Variants in ZAP70 observed in about 807,000 individuals in gnomAD.
The protein encoded by ZAP70 is zeta chain of T cell receptor associated protein kinase 70, also known as tyrosine-protein kinase ZAP-70.
ZAP70 carries 27 observed loss-of-function variants against 65.8 expected under a neutral mutation model. The observed-to-expected ratio is 0.41, with a 90% CI of 0.30 to 0.57. The LOEUF (loss-of-function observed/expected upper bound fraction) is 0.57, where lower values mean the gene tolerates loss of function less well. Ranked by LOEUF, ZAP70 falls within the 20% of genes least tolerant of loss-of-function variation. The probability of loss-of-function intolerance (pLI) is 0.28; values close to 1 mark genes in which losing one functional copy is unlikely to be tolerated. For synonymous variants in ZAP70, 363 were observed against 360.8 expected (o/e 1.01, Z -0.07); for missense variants, 696 against 870.5 (o/e 0.80, Z 2.52).
chr2:97,734,222 C>A, intron 8 of ZAP70: 3 of 624,082 alleles, frequency 4.8e-6, no homozygotes, highest in Non-Finnish European at 7.5e-6. Context: ...TAGGCGTACA[C>A]GTACGAATGC....
chr2:97,750,349 G>T, the ZAP70 span, among the ~76,000 whole-genome samples: 1 of 152,224 alleles, frequency 6.6e-6, no homozygotes, highest in African/African-American at 2.4e-5. Context: ...TGTAGGATGT[G>T]GGCCTTGGTT....
downstream of ZAP70, among the ~76,000 whole-genome samples, chr2:97,743,000 C>G (rs577753091): frequency 5.9e-5 from 9 of 152,314 alleles, no homozygotes; most frequent in East Asian, 1.7e-3. Flanking sequence ...CTTTGTCCCA[C>G]CCTGCCCAAT....
chr2:97,734,462 T>C, intron 8 of ZAP70, 58 bp from the exon 9 acceptor site: 1 of 1,546,646 alleles, frequency 6.5e-7, no homozygotes, highest in Non-Finnish European at 8.7e-7. Context: ...GGGCTGAGGC[T>C]GCCTTGCTCC....
rs757015607 is a variant in ZAP70, at chr2:97,738,070, G to A, written c.1699G>A (p.Glu567Lys). Residue 567 changes from glutamate (E) to lysine (K), a missense_variant, in exon 13 of 14, where the codon GAA becomes AAA. This residue lies in a region of ZAP70 where 78 missense variants were observed against 88.6 expected (regional missense o/e 0.88). Transcript: ENST00000264972. The part of the protein sequence containing the change: ...RMECPPECPP[E>K]LYALMSDCWI... The stretch of plus-strand genomic sequence containing the variant: ...GGAGTGCCCACCAGAGTGTCCACCC[G>A]AACTGTACGCACTCATGAGTGACTG... 2.1e-5 allele frequency: 34 copies of A among 1,609,896 alleles called. No individual in the cohort carries two copies. Among genetic ancestry groups the A allele is most frequent in the South Asian group, 1.8e-4 (16 of 90,444 alleles).
the ZAP70 span, among the ~76,000 whole-genome samples, chr2:97,752,584 C>A: frequency 1.3e-5 from 2 of 152,196 alleles, no homozygotes; most frequent in African/African-American, 4.8e-5. Flanking sequence ...CAGTGGTCAG[C>A]CCAAACACTG....
chr2:97,743,454 G>C (rs978002862), downstream of ZAP70, among the ~76,000 whole-genome samples: 3 of 152,198 alleles, frequency 2.0e-5, no homozygotes, highest in African/African-American at 7.2e-5. Flanking sequence ...TCCTGCCTCA[G>C]CCTCCTGAGT....
rs1381915359 is a variant in ZAP70, at chr2:97,735,233, G to A, written c.1083-17G>A. On this transcript the variant is annotated splice_polypyrimidine_tract_variant and intron_variant, in intron 9 of 13. Transcript: ENST00000264972. ...GGTGCCCCTCGCCCACGTGCCTCCC[G>A]TGGCCGGGTCGGGCAGGAAGCAGAT... 1.1e-5 allele frequency: 18 copies of A among 1,613,524 alleles called. No individual in the cohort carries two copies. The highest frequency in any genetic ancestry group is 2.2e-5 in the East Asian group (1 of 44,878).
chr2:97,720,399 T>C (rs895537397), intron 2 of ZAP70, among the ~76,000 whole-genome samples: 2 of 152,130 alleles, frequency 1.3e-5, no homozygotes, highest in African/African-American at 4.8e-5. Context: ...GACTAATTTT[T>C]TTGTATTTTT....
intron 13 of ZAP70, 117 bp from the exon 14 acceptor site, chr2:97,739,258 G>C: frequency 6.6e-7 from 1 of 1,508,930 alleles, no homozygotes; most frequent in East Asian, 2.4e-5. Flanking sequence ...CAACAGCCCT[G>C]CTGACTTTCT....
At chr2:97,716,067 G>C (rs898528415) in intron 2 of ZAP70, among the ~76,000 whole-genome samples, 1 of 152,168 alleles carries the variant, frequency 6.6e-6, no homozygotes, top group South Asian at 2.1e-4. Context: ...TGGGGAGGGG[G>C]CAGGGCTCAT....
intron 3 of ZAP70, chr2:97,724,755 G>T: frequency 6.6e-7 from 1 of 1,505,450 alleles, no homozygotes; most frequent in Admixed American, 2.0e-5. Context: ...AGGGTGCGCG[G>T]GGCTAGGGTG....
intron 13 of ZAP70, among the ~76,000 whole-genome samples, chr2:97,738,906 G>A (rs771779542): frequency 6.6e-6 from 1 of 152,044 alleles, no homozygotes; most frequent in Non-Finnish European, 1.5e-5. Flanking sequence ...GCACAGTACC[G>A]TTAATACTGC....
Position 97,733,231 on chromosome 2 carries a change from C to T in ZAP70, c.790+19C>T, listed in dbSNP as rs202121787. 327 of 1,611,156 alleles carry T rather than the reference C, an allele frequency of 2.0e-4. No homozygotes were observed. In the African/African-American group the frequency reaches 3.5e-3, roughly 17 times the overall value. ...GCCTCAGGTGACGGCAGCAGGCGGG[C>T]GGGCGGTGGGCGGGGGCGGCAGGAG... is the stretch of plus-strand genomic sequence containing the variant. On this transcript the variant is annotated intron_variant, in intron 6 of 13. Transcript: ENST00000264972.
At chr2:97,729,564 G>A (rs1677519297) in intron 4 of ZAP70, among the ~76,000 whole-genome samples, 1 of 152,120 alleles carries the variant, frequency 6.6e-6, no homozygotes, top group East Asian at 1.9e-4. Context: ...TAGCCCTTTT[G>A]TTTTGTTTTG....
In ZAP70 at chr2:97,730,590, G is replaced by A. The variant is rs191349231; in HGVS notation, c.564-2293G>A. ...TCAAGCCTCTGCTTGTGTCATGTTT[G>A]CTAATGTCCTGTTAGCAAGGCACAT... On this transcript the variant is annotated intron_variant, in intron 4 of 13. Coordinates refer to ENST00000264972, the MANE Select transcript of ZAP70 (RefSeq NM_001079.4). 3.7e-3 allele frequency among the ~76,000 whole-genome samples: 569 copies of A among 152,288 alleles called. 11 individuals carry two copies. The highest frequency in any genetic ancestry group is 5.9e-4 in the Non-Finnish European group (40 of 68,034).
At chr2:97,733,412 A>T in intron 7 of ZAP70, 69 bp downstream of exon 7, 1 of 1,591,684 alleles carries the variant, frequency 6.3e-7, no homozygotes, top group Non-Finnish European at 8.6e-7. Context: ...GGAGGCTGGG[A>T]TGGAGGCTGG....
In ZAP70 at chr2:97,737,126, A is replaced by G. The variant is rs1456421919; in HGVS notation, c.1290-347A>G. On this transcript the variant is annotated intron_variant, in intron 10 of 13. Coordinates refer to ENST00000264972, the MANE Select transcript of ZAP70 (RefSeq NM_001079.4). This position sits in a 1 kb window ranked among gnomAD's most constrained non-coding sequence, Gnocchi z 5.0. ...GAGGAGCTGCTGGAGAGGACAGTGG[A>G]GGAGCCATATGTGTGTGCACATGGG... Among the ~76,000 whole-genome samples the G allele has an allele frequency of 6.6e-6, 1 of 152,068 alleles. No homozygotes were observed. The highest frequency in any genetic ancestry group is 2.4e-5 in the African/African-American group (1 of 41,394).
At position 97,735,419 on chromosome 2, in the gene ZAP70, G is replaced by T. The variant is rs772452475; in HGVS notation, c.1252G>T (p.Gly418Trp). 1.2e-6 allele frequency: 2 copies of T among 1,613,732 alleles called. No homozygotes were observed. The highest frequency in any genetic ancestry group is 1.7e-6 in the Non-Finnish European group (2 of 1,179,788). ...CCTCATGCTGGTCATGGAGATGGCTGGGGGCGGGCCGCTGCACAAGTTCCT... is the reference window on the plus strand; with the variant it reads ...CCTCATGCTGGTCATGGAGATGGCTTGGGGCGGGCCGCTGCACAAGTTCCT... Reference protein sequence around the residue: ...EALMLVMEMAGGGPLHKFLVG... With the variant: ...EALMLVMEMAWGGPLHKFLVG... Residue 418 changes from glycine (G) to tryptophan (W), a missense_variant, in exon 10 of 14, where the codon GGG (glycine) becomes TGG (tryptophan). Around this residue, in one of 3 missense-constraint regions of ZAP70, gnomAD observed 551 missense variants for 630.0 expected, o/e 0.87. Transcript: ENST00000264972.
downstream of ZAP70, among the ~76,000 whole-genome samples, chr2:97,740,731 C>T (rs562415392): frequency 2.6e-5 from 4 of 152,290 alleles, no homozygotes; most frequent in East Asian, 1.9e-4. Context: ...GGGTCAATCC[C>T]GCCCTCACTG....
Sources: allele counts gnomAD v4.1 joint callset (sites outside exome capture counted in the v4.1 genomes callset), GRCh38; gene constraint gnomAD v4.1.1; regional missense constraint gnomAD v4.1.1; non-coding constraint Gnocchi (gnomAD v3.1); transcripts MANE v1.5; gene names NCBI Gene and HGNC (gene_info 2026-07-23, HGNC 2026-07-21).